Variants in TNFRSF10A observed in about 807,000 individuals in gnomAD.
TNFRSF10A encodes the protein tumor necrosis factor receptor superfamily member 10A.
TNFRSF10A carries 44 observed loss-of-function variants against 42.8 expected under a neutral mutation model. That is an observed-to-expected ratio of 1.03 (90% CI 0.81 to 1.32). TNFRSF10A has a LOEUF of 1.32. Ranked by LOEUF, TNFRSF10A falls within the 40% of genes most tolerant of loss-of-function variation. The pLI is 0.00. For missense variants in TNFRSF10A, 680 were observed against 602.0 expected, an observed-to-expected ratio of 1.13 and a Z score of -1.36; for synonymous variants, 259 against 234.2, an observed-to-expected ratio of 1.11 and a Z score of -0.97.
intron 2 of TNFRSF10A, among the ~76,000 whole-genome samples, chr8:23,206,530 C>A (rs182444229): frequency 3.5e-4 from 53 of 152,314 alleles, no homozygotes; most frequent in African/African-American, 1.2e-3. Flanking sequence ...GGTTTGTAAT[C>A]TAAGAGCAAT....
At chr8:23,200,452 G>C in intron 6 of TNFRSF10A, 53 bp downstream of exon 6, 1 of 1,598,724 alleles carries the variant, frequency 6.3e-7, no homozygotes, top group Non-Finnish European at 8.6e-7. Flanking sequence ...TGTGGGAACA[G>C]AAGAAGGCAG....
chr8:23,192,051 G>C, intron 9 of TNFRSF10A, 38 bp from the exon 10 acceptor site: 11 of 1,583,612 alleles, frequency 6.9e-6, no homozygotes, highest in Non-Finnish European at 8.6e-6. Flanking sequence ...CAGATGAGTT[G>C]GGACTCAGTT....
intron 4 of TNFRSF10A, 86 bp downstream of exon 4, chr8:23,201,722 G>A (rs1044391562): frequency 8.1e-7 from 1 of 1,239,878 alleles, no homozygotes; most frequent in African/African-American, 1.5e-5. Flanking sequence ...GATAGATACG[G>A]GTACAAGGAG....
At chr8:23,210,310 T>C (rs1428844239) in intron 2 of TNFRSF10A, among the ~76,000 whole-genome samples, 1 of 152,176 alleles carries the variant, frequency 6.6e-6, no homozygotes, top group Non-Finnish European at 1.5e-5. Flanking sequence ...GAAAGAAAAC[T>C]ACAGACTAAC....
At position 23,192,013 on chromosome 8, in the gene TNFRSF10A, G is replaced by A; in HGVS notation, c.1088C>T (p.Thr363Ile). 1 of 1,611,136 alleles carries A rather than the reference G, an allele frequency of 6.2e-7. No homozygotes were observed. The highest frequency in any genetic ancestry group is 8.5e-7 in the Non-Finnish European group (1 of 1,179,102). The part of the protein sequence containing the change: ...VPANGADPTE[T>I]LMLFFDKFAN... The stretch of plus-strand genomic sequence containing the variant: ...AAACTTGTCAAAGAACAGCATCAGA[G>A]CTGGGTGGAGAAAGCCACAGAGACA... The change falls in exon 10 of 10, where the codon ACT becomes ATT. Residue 363 changes from threonine (T) to isoleucine (I), a missense_variant and splice_region_variant. By Grantham distance (89) the Thr-to-Ile change is moderately conservative (BLOSUM62 -1). Coordinates refer to ENST00000221132, the MANE Select transcript of TNFRSF10A (RefSeq NM_003844.4).
At position 23,202,673 on chromosome 8, in the gene TNFRSF10A, G is replaced by A. The variant is rs1800948694; in HGVS notation, c.492C>T (p.Cys164=). 1 of 1,613,918 alleles carries A rather than the reference G, an allele frequency of 6.2e-7. No homozygotes were observed. The highest frequency in any genetic ancestry group is 8.5e-7 in the Non-Finnish European group (1 of 1,179,878). Residue 164 remains cysteine, a synonymous_variant, in exon 3 of 10, where the codon TGC becomes TGT. Coordinates refer to ENST00000221132, the MANE Select transcript of TNFRSF10A (RefSeq NM_003844.4). ...CTGATTTACAAGCTGTACATGGGAG[G>A]CAAGCAAACAAATTGTTGGAAGCAT... The part of the protein sequence containing the change: ...YTNASNNLFA[C]LPCTACKSDE...
chr8:23,224,617 G>A, intron 1 of TNFRSF10A, 139 bp downstream of exon 1: 3 of 1,193,538 alleles, frequency 2.5e-6, no homozygotes, highest in Non-Finnish European at 2.3e-6. Context: ...CTCCGACTCC[G>A]ACGACGGGCT....
At chr8:23,221,346 C>T (rs1325333247) in intron 1 of TNFRSF10A, among the ~76,000 whole-genome samples, 2 of 152,238 alleles carry the variant, frequency 1.3e-5, no homozygotes, top group African/African-American at 2.4e-5. Flanking sequence ...AAGAGGAGCA[C>T]GGCCAACCCT....
At chr8:23,194,510 A>C (rs1206500768) in intron 9 of TNFRSF10A, among the ~76,000 whole-genome samples, 1 of 152,252 alleles carries the variant, frequency 6.6e-6, no homozygotes, top group Non-Finnish European at 1.5e-5. Context: ...CCCAACCAAA[A>C]CAAAATGATC....
At position 23,212,209 on chromosome 8, in the gene TNFRSF10A, C is replaced by A. The variant is rs1039881745; in HGVS notation, c.310G>T (p.Val104Leu). 1.9e-6 allele frequency: 3 copies of A among 1,612,760 alleles called. No homozygotes were observed. The highest frequency in any genetic ancestry group is 2.5e-6 in the Non-Finnish European group (3 of 1,179,200). The change falls in exon 2 of 10, where the codon GTA becomes TTA. Residue 104 changes from valine (V) to leucine (L), a missense_variant. Transcript: ENST00000221132. ...TTGATGGTTGCAGCTGAGCTAGGTA[C>A]GACCTGTGGGGACAAAGCAGGGACT... ...FVVVGVLLQV[V>L]PSSAATIKLH... is the part of the protein sequence containing the mutation.
intron 1 of TNFRSF10A, among the ~76,000 whole-genome samples, chr8:23,213,407 T>A (rs188841444): frequency 6.7e-6 from 1 of 150,196 alleles, no homozygotes. Flanking sequence ...CTGATCTATT[T>A]TTTGCTGGTT....
At chr8:23,206,785 G>A (rs1053983721) in intron 2 of TNFRSF10A, 7 of 154,382 alleles carry the variant, frequency 4.5e-5, no homozygotes, top group African/African-American at 1.7e-4. Flanking sequence ...GGATGAAAGG[G>A]GCAAATTCCT....
At chr8:23,195,877 G>C (rs1328293254) in intron 9 of TNFRSF10A, among the ~76,000 whole-genome samples, 1 of 152,148 alleles carries the variant, frequency 6.6e-6, no homozygotes, top group Non-Finnish European at 1.5e-5. Context: ...CAGCCAGAAA[G>C]ATCCAGGACC....
chr8:23,224,620 G>A, intron 1 of TNFRSF10A, 136 bp downstream of exon 1: 2 of 1,205,896 alleles, frequency 1.7e-6, no homozygotes, highest in Non-Finnish European at 2.3e-6. Flanking sequence ...CGACTCCGAC[G>A]ACGGGCTCCT....
intron 1 of TNFRSF10A, among the ~76,000 whole-genome samples, chr8:23,214,602 GT>G (rs1341356701): frequency 6.6e-6 from 1 of 151,834 alleles, no homozygotes; most frequent in Non-Finnish European, 1.5e-5. Flanking sequence ...AAGATAGTTT[GT>G]TTTATTTCAA....
At chr8:23,207,213 A>C in intron 2 of TNFRSF10A, 1 of 598,540 alleles carries the variant, frequency 1.7e-6, no homozygotes, top group Non-Finnish European at 3.2e-6. Context: ...TAAAACCAAC[A>C]AGCACCAGAT....
Position 23,191,546 on chromosome 8 carries a change from C to A in TNFRSF10A, c.*148G>T. The A allele has an allele frequency of 1.7e-6, 2 of 1,195,110 alleles. No homozygotes were observed. Among genetic ancestry groups the A allele is most frequent in the Non-Finnish European group, 2.3e-6 (2 of 884,020 alleles). 74.0% of individuals were successfully genotyped at this position (1,195,110 alleles called of 1,614,324 possible). A position where few individuals can be genotyped will look rare whatever the true frequency, so the allele number is the denominator to read the frequency against. On this transcript the variant is annotated 3_prime_UTR_variant, in exon 10 of 10. Coordinates refer to ENST00000221132, the MANE Select transcript of TNFRSF10A (RefSeq NM_003844.4). Reference sequence around the variant, plus strand: ...AACTTCTGACCTCAAGTGATCCACCCGCCTCAGCCTCCCAAAGTGCTGGGA... The same window carrying A: ...AACTTCTGACCTCAAGTGATCCACCAGCCTCAGCCTCCCAAAGTGCTGGGA...
At chr8:23,201,126 C>A (rs1046616895) in intron 4 of TNFRSF10A, among the ~76,000 whole-genome samples, 32 of 152,176 alleles carry the variant, frequency 2.1e-4, no homozygotes, top group African/African-American at 7.2e-4. Flanking sequence ...TCCAGTTAAC[C>A]CACAGTACAA....
chr8:23,195,094 G>T (rs1029407311), intron 9 of TNFRSF10A, among the ~76,000 whole-genome samples: 5 of 152,352 alleles, frequency 3.3e-5, no homozygotes, highest in Middle Eastern at 6.8e-3. Flanking sequence ...AGGAGGTGGA[G>T]GTTGCAGTGA....
Sources: gnomAD v4.1 joint callset for allele counts (sites outside exome capture counted in the v4.1 genomes callset) on GRCh38, gnomAD v4.1.1 for gene constraint, MANE v1.5 for transcripts, NCBI Gene and HGNC (gene_info 2026-07-23, HGNC 2026-07-21) for gene names.